The following HS3ST4 variants were observed in gnomAD, a reference collection of about 807,000 sequenced individuals.
The protein encoded by HS3ST4 is heparan sulfate glucosamine 3-O-sulfotransferase 4.
HS3ST4 carries 17 observed loss-of-function variants against 29.2 expected under a neutral mutation model. The observed-to-expected ratio is 0.58, with a 90% CI of 0.40 to 0.87. The LOEUF is 0.87. Ranked by LOEUF, HS3ST4 falls within the 40% of genes least tolerant of loss-of-function variation. The probability of loss-of-function intolerance (pLI) is 0.00; values close to 1 mark genes in which losing one functional copy is unlikely to be tolerated. For synonymous variants in HS3ST4, 314 were observed against 285.7 expected (o/e 1.10, Z -1.00); for missense variants, 627 against 634.5 (o/e 0.99, Z 0.13).
intron 1 of HS3ST4, among the ~76,000 whole-genome samples, chr16:26,132,789 G>A (rs1044564661): frequency 6.6e-6 from 1 of 152,164 alleles, no homozygotes; most frequent in African/African-American, 2.4e-5. Flanking sequence ...TTAGTTTTGT[G>A]TGTCAAAAGT....
chr16:25,944,736 T>C (rs1219447485), intron 1 of HS3ST4, among the ~76,000 whole-genome samples: 1 of 152,188 alleles, frequency 6.6e-6, no homozygotes, highest in African/African-American at 2.4e-5. Flanking sequence ...GTCCTCTAAC[T>C]GCCTCCTCTT....
intron 1 of HS3ST4, among the ~76,000 whole-genome samples, chr16:26,124,023 C>A (rs1596690112): frequency 6.6e-6 from 1 of 152,002 alleles, no homozygotes; most frequent in African/African-American, 2.4e-5. Context: ...CGGGTTCAAG[C>A]GATTCTCCTG....
chr16:25,837,554 C>T (rs958393211), intron 1 of HS3ST4, among the ~76,000 whole-genome samples: 1 of 152,108 alleles, frequency 6.6e-6, no homozygotes, highest in East Asian at 1.9e-4. Context: ...ATGGGGAGAG[C>T]TCAGTGCCTA....
intron 1 of HS3ST4, among the ~76,000 whole-genome samples, chr16:26,135,105 A>G (rs1365071516): frequency 6.6e-6 from 1 of 152,166 alleles, no homozygotes; most frequent in Non-Finnish European, 1.5e-5. Context: ...TAGTTTGCCA[A>G]TCCTGGACTA....
intron 1 of HS3ST4, among the ~76,000 whole-genome samples, chr16:25,914,578 G>A (rs766653829): frequency 4.7e-5 from 7 of 150,368 alleles, no homozygotes; most frequent in Non-Finnish European, 8.9e-5. Flanking sequence ...TGGATGTGGT[G>A]TCTGTGGGGA....
intron 1 of HS3ST4, among the ~76,000 whole-genome samples, chr16:26,051,446 T>C (rs977342276): frequency 1.3e-5 from 2 of 151,978 alleles, no homozygotes; most frequent in African/African-American, 4.8e-5. Context: ...TTTTTTTTTT[T>C]CACAAATTGT....
chr16:26,131,786 C>G (rs952294538), intron 1 of HS3ST4, among the ~76,000 whole-genome samples: 2 of 152,122 alleles, frequency 1.3e-5, no homozygotes, highest in Non-Finnish European at 2.9e-5. Context: ...CAAAACCTTT[C>G]ACAACAAAAA....
chr16:25,718,178 C>T (rs1966470479), intron 1 of HS3ST4, among the ~76,000 whole-genome samples: 1 of 152,040 alleles, frequency 6.6e-6, no homozygotes, highest in Admixed American at 6.6e-5. Context: ...CACCCTATAC[C>T]CACTTCCTTT....
chr16:25,954,275 T>A (rs1441978401), intron 1 of HS3ST4, among the ~76,000 whole-genome samples: 1 of 152,224 alleles, frequency 6.6e-6, no homozygotes, highest in East Asian at 1.9e-4. Context: ...TAATCCCAAA[T>A]GCTGCATCAC....
intron 1 of HS3ST4, among the ~76,000 whole-genome samples, chr16:25,726,047 T>C (rs1966532753): frequency 1.3e-5 from 2 of 152,206 alleles, no homozygotes; most frequent in African/African-American, 2.4e-5. Context: ...AATGGACTCT[T>C]ACATTTTCTG....
At chr16:25,838,855 G>C (rs1967386831) in intron 1 of HS3ST4, among the ~76,000 whole-genome samples, 1 of 152,120 alleles carries the variant, frequency 6.6e-6, no homozygotes, top group East Asian at 1.9e-4. Flanking sequence ...CCGATGAGAT[G>C]GGGGAGGTGC....
At chr16:25,966,500 GGT>G (rs1468675419) in intron 1 of HS3ST4, among the ~76,000 whole-genome samples, 10 of 152,110 alleles carry the variant, frequency 6.6e-5, no homozygotes, top group African/African-American at 2.4e-4. Flanking sequence ...AGCAACCTGA[GGT>G]GCTCTATTGC....
chr16:25,913,954 G>A (rs980732645), intron 1 of HS3ST4, among the ~76,000 whole-genome samples: 8 of 150,492 alleles, frequency 5.3e-5, no homozygotes, highest in Non-Finnish European at 1.2e-4. Flanking sequence ...TGGTGTGTGT[G>A]TAAGTGATGT....
intron 1 of HS3ST4, among the ~76,000 whole-genome samples, chr16:25,744,558 T>TCAA (rs1008870005): frequency 1.3e-5 from 2 of 151,988 alleles, no homozygotes; most frequent in Non-Finnish European, 2.9e-5. Context: ...TTTTCTATCA[T>TCAA]CATCATCATC....
At chr16:26,112,250 ATGTG>A (rs35207548) in intron 1 of HS3ST4, among the ~76,000 whole-genome samples, 84,254 of 148,264 alleles carry the variant, frequency 0.57, 23,894 homozygotes, top group Non-Finnish European at 0.62. Flanking sequence ...GTGTGTGTGT[ATGTG>A]TGTGTGTGTG....
chr16:25,863,271 CG>C (rs1472797597), intron 1 of HS3ST4, among the ~76,000 whole-genome samples: 1 of 151,756 alleles, frequency 6.6e-6, no homozygotes, highest in Non-Finnish European at 1.5e-5. Context: ...TTAAGTAGAG[CG>C]GGGTTTCACC....
intron 1 of HS3ST4, among the ~76,000 whole-genome samples, chr16:25,961,068 C>A (rs1968788887): frequency 6.6e-6 from 1 of 152,190 alleles, no homozygotes; most frequent in African/African-American, 2.4e-5. Flanking sequence ...TCTGAAATAA[C>A]TGGCCTCAAT....
At chr16:26,020,801 T>A (rs1969405771) in intron 1 of HS3ST4, among the ~76,000 whole-genome samples, 1 of 152,160 alleles carries the variant, frequency 6.6e-6, no homozygotes, top group Non-Finnish European at 1.5e-5. Flanking sequence ...GTGTGCAGGT[T>A]CAAGTGTGAG....
At chr16:26,018,061 A>G (rs1286639070) in intron 1 of HS3ST4, among the ~76,000 whole-genome samples, 1 of 152,216 alleles carries the variant, frequency 6.6e-6, no homozygotes, top group Non-Finnish European at 1.5e-5. Flanking sequence ...TGTCTCCAGT[A>G]GAGAGCTGAT....
Sources: gnomAD v4.1 joint callset for allele counts (sites outside exome capture counted in the v4.1 genomes callset) on GRCh38, gnomAD v4.1.1 for gene constraint, MANE v1.5 for transcripts, NCBI Gene and HGNC (gene_info 2026-07-23, HGNC 2026-07-21) for gene names.